The following ADCY3 variants were observed in gnomAD, a reference collection of about 807,000 sequenced individuals.
ADCY3 encodes adenylate cyclase 3.
In ADCY3, 70 loss-of-function variants were observed where a neutral mutation model predicts 119.4. That is an observed-to-expected ratio of 0.59 (90% CI 0.48 to 0.72). The LOEUF is 0.72. Ranked by LOEUF, ADCY3 falls within the 30% of genes least tolerant of loss-of-function variation. ADCY3 has a pLI of 0.00. For synonymous variants in ADCY3, 672 were observed against 621.4 expected (o/e 1.08, Z -1.21); for missense variants, 1,238 against 1,541.6 (o/e 0.80, Z 3.30).
intron 3 of ADCY3, among the ~76,000 whole-genome samples, chr2:24,859,714 C>A (rs778384725): frequency 5.9e-5 from 9 of 152,152 alleles, no homozygotes; most frequent in Non-Finnish European, 1.3e-4. Context: ...CCCTGTAAGA[C>A]CGGCATGAAG....
chr2:24,822,315 G>T, intron 19 of ADCY3, 196 bp downstream of exon 19: 1 of 704,590 alleles, frequency 1.4e-6, no homozygotes, highest in Non-Finnish European at 2.3e-6. Flanking sequence ...GCAGGGGGTT[G>T]TGTGTCTGTT....
chr2:24,880,163 G>C (rs554894763), intron 2 of ADCY3, among the ~76,000 whole-genome samples: 1 of 152,328 alleles, frequency 6.6e-6, no homozygotes, highest in East Asian at 1.9e-4. Context: ...TTTGGTAAGA[G>C]ATGTTCAAAG....
intron 6 of ADCY3, among the ~76,000 whole-genome samples, chr2:24,840,273 G>A (rs934608): frequency 0.36 from 54,172 of 152,170 alleles, 9,946 homozygotes; most frequent in African/African-American, 0.43. Context: ...CCCACTTCCC[G>A]AGGGGCCTCA....
At chr2:24,917,093 T>C (rs1013623725) in intron 2 of ADCY3, among the ~76,000 whole-genome samples, 17 of 152,222 alleles carry the variant, frequency 1.1e-4, no homozygotes, top group Non-Finnish European at 2.4e-4. Flanking sequence ...GGATGAGACA[T>C]GAGTGGAGAA....
In ADCY3 at chr2:24,872,038, G is replaced by A. The variant is rs1184578156; in HGVS notation, c.825+532C>T. Among the ~76,000 whole-genome samples, 1 of 152,198 alleles carries A rather than the reference G, an allele frequency of 6.6e-6. No individual in the cohort carries two copies. The highest frequency in any genetic ancestry group is 1.5e-5 in the Non-Finnish European group (1 of 68,038). Reference sequence around the variant, plus strand: ...GGGAGGGAGGAGCTCCCCTGAGTGGGGGTGTGAGGCTGACACACTTCACCC... The same window carrying A: ...GGGAGGGAGGAGCTCCCCTGAGTGGAGGTGTGAGGCTGACACACTTCACCC... On this transcript the variant is annotated intron_variant, in intron 3 of 21. Coordinates refer to ENST00000679454, the MANE Select transcript of ADCY3 (RefSeq NM_004036.5). The surrounding 1 kb of genome is among the most constrained non-coding windows in gnomAD (Gnocchi z 4.4).
At position 24,857,991 on chromosome 2, in the gene ADCY3, ATTTT is replaced by A. The variant is rs56672595; in HGVS notation, c.825+14575_825+14578del. ...AAGTCCTGAAATACTTGTGGTCTGA[ATTTT>A]TTTTTTTTTTTTTTTTTTTTAAAGA... is the stretch of plus-strand genomic sequence containing the variant. On this transcript the variant is annotated intron_variant, in intron 3 of 21. Transcript: ENST00000679454. Among the ~76,000 whole-genome samples, 306 of 122,386 alleles carry A rather than the reference ATTTT, an allele frequency of 2.5e-3. 4 individuals carry two copies. The highest frequency in any genetic ancestry group is 9.7e-3 in the African/African-American group (285 of 29,448). The allele number at this position is 122,386 out of a possible 152,430, so 80.3% of individuals were successfully genotyped here. A position where few individuals can be genotyped will look rare whatever the true frequency, so the allele number is the denominator to read the frequency against.
chr2:24,838,828 T>C (rs1670637239), intron 7 of ADCY3: 8 of 1,608,746 alleles, frequency 5.0e-6, no homozygotes, highest in Non-Finnish European at 5.9e-6. Flanking sequence ...ACTAGCTGTG[T>C]GGGCCGTATG....
chr2:24,832,146 C>A, intron 11 of ADCY3: 1 of 215,746 alleles, frequency 4.6e-6, no homozygotes, highest in African/African-American at 2.3e-5. Flanking sequence ...CCACGCGGTG[C>A]CAGGGAATTG....
intron 3 of ADCY3, among the ~76,000 whole-genome samples, chr2:24,846,392 G>A (rs1281658991): frequency 6.6e-6 from 1 of 152,220 alleles, no homozygotes; most frequent in Admixed American, 6.5e-5. Flanking sequence ...ACCTGGATGT[G>A]AGACCTGGAG....
At chr2:24,848,426 G>A (rs1671903138) in intron 3 of ADCY3, among the ~76,000 whole-genome samples, 1 of 152,170 alleles carries the variant, frequency 6.6e-6, no homozygotes. Flanking sequence ...TAATAAATAT[G>A]TGGGTAAATC....
chr2:24,894,722 C>T (rs1678060960), intron 2 of ADCY3, among the ~76,000 whole-genome samples: 1 of 151,578 alleles, frequency 6.6e-6, no homozygotes, highest in African/African-American at 2.4e-5. Flanking sequence ...CTTTGTGCAG[C>T]CCAAATTTCT....
At chr2:24,912,933 T>A (rs1382433463) in intron 2 of ADCY3, among the ~76,000 whole-genome samples, 1 of 152,196 alleles carries the variant, frequency 6.6e-6, no homozygotes, top group Non-Finnish European at 1.5e-5. Flanking sequence ...GTTTACATGT[T>A]CAATGACTGA....
chr2:24,829,049 C>T (rs1472791089), intron 13 of ADCY3, among the ~76,000 whole-genome samples: 3 of 150,340 alleles, frequency 2.0e-5, no homozygotes, highest in African/African-American at 7.3e-5. Flanking sequence ...TGGAGTCTCG[C>T]TCTGTCGCCC....
chr2:24,904,157 G>A (rs1679212357), intron 2 of ADCY3, among the ~76,000 whole-genome samples: 1 of 151,978 alleles, frequency 6.6e-6, no homozygotes, highest in Non-Finnish European at 1.5e-5. Context: ...GAGAAAGAAA[G>A]AAAGAAAAAG....
At position 24,834,373 on chromosome 2, in the gene ADCY3, G is replaced by C; in HGVS notation, c.1967+112C>G. 2 of 1,331,342 alleles carry C rather than the reference G, an allele frequency of 1.5e-6. No homozygotes were observed. Among genetic ancestry groups the C allele is most frequent in the Non-Finnish European group, 2.0e-6 (2 of 984,696 alleles). 82.5% of individuals were successfully genotyped at this position (1,331,342 alleles called of 1,614,324 possible). A position where few individuals can be genotyped will look rare whatever the true frequency, so the allele number is the denominator to read the frequency against. ...CCGTCCCAGTGGGGGTCAGGGAGCAGAGACTGGCTTGCTCCCCAATGTCAG... is the reference window on the plus strand; with the variant it reads ...CCGTCCCAGTGGGGGTCAGGGAGCACAGACTGGCTTGCTCCCCAATGTCAG... On this transcript the variant is annotated intron_variant, in intron 11 of 21. Coordinates refer to ENST00000679454, the MANE Select transcript of ADCY3 (RefSeq NM_004036.5). This position sits in a 1 kb window ranked among gnomAD's most constrained non-coding sequence, Gnocchi z 4.2.
At chr2:24,855,079 A>G (rs896113602) in intron 3 of ADCY3, among the ~76,000 whole-genome samples, 1 of 152,150 alleles carries the variant, frequency 6.6e-6, no homozygotes, top group African/African-American at 2.4e-5. Context: ...AAATAAAATG[A>G]ATTCCCAGCA....
Position 24,918,766 on chromosome 2 carries a change from G to A in ADCY3, c.222C>T (p.Arg74=). 1 of 1,614,068 alleles carries A rather than the reference G, an allele frequency of 6.2e-7. No individual in the cohort carries two copies. The highest frequency in any genetic ancestry group is 1.1e-5 in the South Asian group (1 of 91,088). The change falls in exon 2 of 22, where the codon CGC becomes CGT. Residue 74 remains arginine (R), a synonymous_variant. Transcript: ENST00000679454. The surrounding 1 kb of genome is among the most constrained non-coding windows in gnomAD (Gnocchi z 5.4). ...NLYQTYFKRQ[R]HETLLVLVVF... ...CCACCAGCACCAGCAGGGTCTCGTG[G>A]CGCTGCCTTTTGAAGTAGGTCTGGT...
At chr2:24,821,338 TTA>T in intron 20 of ADCY3, 177 bp downstream of exon 20, 1 of 874,842 alleles carries the variant, frequency 1.1e-6, no homozygotes, top group Admixed American at 2.7e-5. Context: ...GGTTTTTGGT[TTA>T]GTCATCTAGA....
rs1456780511 is a variant in ADCY3, at chr2:24,918,261, T to C, written c.675+52A>G. 5.3e-6 allele frequency: 8 copies of C among 1,506,130 alleles called. No homozygotes were observed. Among genetic ancestry groups the C allele is most frequent in the Non-Finnish European group, 6.2e-6 (7 of 1,128,300 alleles). 93.3% of individuals were successfully genotyped at this position (1,506,130 alleles called of 1,614,324 possible). On this transcript the variant is annotated intron_variant, in intron 2 of 21. Coordinates refer to ENST00000679454, the MANE Select transcript of ADCY3 (RefSeq NM_004036.5). This position sits in a 1 kb window ranked among gnomAD's most constrained non-coding sequence, Gnocchi z 5.4. ...ACAGCAACTCCAACAGGTCCCAAGT[T>C]GGTGAGAGCTGCAGGAGAGGACGCT...
Sources: gnomAD v4.1 joint callset for allele counts (sites outside exome capture counted in the v4.1 genomes callset) on GRCh38, gnomAD v4.1.1 for gene constraint, Gnocchi (gnomAD v3.1) non-coding constraint, MANE v1.5 for transcripts, NCBI Gene and HGNC (gene_info 2026-07-23, HGNC 2026-07-21) for gene names.